Variants in FSTL4 observed in about 807,000 individuals in gnomAD.
FSTL4 encodes the protein follistatin like 4, also known as follistatin-related protein 4.
Under a neutral mutation model 78.2 loss-of-function variants are expected in FSTL4, and 28 were observed. The ratio of observed to expected loss-of-function variants is 0.36; its 90% CI spans 0.27 to 0.49. FSTL4 has a LOEUF of 0.49. Ranked by LOEUF, FSTL4 falls within the 20% of genes least tolerant of loss-of-function variation. FSTL4 has a pLI of 0.98. For synonymous variants in FSTL4, 422 were observed against 440.5 expected (o/e 0.96, Z 0.53); for missense variants, 922 against 1,084.9 (o/e 0.85, Z 2.11).
At chr5:133,775,664 G>A in the FSTL4 span, among the ~76,000 whole-genome samples, 1 of 152,192 alleles carries the variant, frequency 6.6e-6, no homozygotes, top group Non-Finnish European at 1.5e-5. Flanking sequence ...AGAGTAGATT[G>A]TACAACAGGT....
the FSTL4 span, among the ~76,000 whole-genome samples, chr5:133,717,429 G>T: frequency 1.3e-5 from 2 of 152,038 alleles, no homozygotes; most frequent in Non-Finnish European, 2.9e-5. Context: ...TTCTTTATTT[G>T]GGTGTAATTT....
intron 2 of FSTL4, among the ~76,000 whole-genome samples, chr5:133,574,093 A>C (rs1242210736): frequency 2.6e-5 from 4 of 152,216 alleles, no homozygotes; most frequent in Non-Finnish European, 5.9e-5. Context: ...GACAATGAAA[A>C]GGGAAGCCAT....
intron 3 of FSTL4, among the ~76,000 whole-genome samples, chr5:133,448,705 C>T (rs1757316061): frequency 8.7e-6 from 1 of 115,092 alleles, no homozygotes. Flanking sequence ...CAAGGTCAGA[C>T]AGTGCGGCTT....
chr5:133,220,285 G>A (rs1308514911), intron 12 of FSTL4, among the ~76,000 whole-genome samples: 1 of 152,264 alleles, frequency 6.6e-6, no homozygotes, highest in African/African-American at 2.4e-5. Context: ...GCCTGGTGTG[G>A]GGGCCACAGC....
the FSTL4 span, among the ~76,000 whole-genome samples, chr5:133,778,319 C>T: frequency 6.6e-6 from 1 of 151,198 alleles, no homozygotes; most frequent in Non-Finnish European, 1.5e-5. Context: ...TTTTGCCTCA[C>T]GCAGAAAGGA....
At chr5:133,241,926 T>C (rs529679368) in intron 7 of FSTL4, among the ~76,000 whole-genome samples, 1 of 152,302 alleles carries the variant, frequency 6.6e-6, no homozygotes, top group East Asian at 1.9e-4. Flanking sequence ...TAAATTTCCT[T>C]CTATGGCTCA....
chr5:133,198,727 C>G lies in FSTL4; in HGVS notation c.*368G>C, dbSNP rs776653715. The G allele has an allele frequency of 4.7e-5, 8 of 170,256 alleles. No homozygotes were observed. The highest frequency in any genetic ancestry group is 6.2e-5 in the Non-Finnish European group (5 of 80,240). The allele number at this position is 170,256 out of a possible 1,614,324, so 10.5% of individuals were successfully genotyped here. On this transcript the variant is annotated 3_prime_UTR_variant, in exon 16 of 16. Coordinates refer to ENST00000265342, the MANE Select transcript of FSTL4 (RefSeq NM_015082.2). Reference sequence around the variant, plus strand: ...CCGTCAGGGCAAAGTCTGGCTGGGTCTGGCAGTAAGGGACAATGACTATGT... The same window carrying G: ...CCGTCAGGGCAAAGTCTGGCTGGGTGTGGCAGTAAGGGACAATGACTATGT...
At chr5:133,828,254 G>A in the FSTL4 span, among the ~76,000 whole-genome samples, 59,227 of 151,946 alleles carry the variant, frequency 0.39, 12,873 homozygotes, top group Non-Finnish European at 0.51. Flanking sequence ...GAGCAAGTGC[G>A]CTCTTGACAC....
intron 3 of FSTL4, among the ~76,000 whole-genome samples, chr5:133,423,358 C>G (rs1756738964): frequency 1.3e-5 from 2 of 152,202 alleles, no homozygotes; most frequent in African/African-American, 4.8e-5. Flanking sequence ...CAGCTAGGAG[C>G]TGGAGAAGGC....
chr5:133,682,213 A>G, the FSTL4 span, among the ~76,000 whole-genome samples: 1 of 152,182 alleles, frequency 6.6e-6, no homozygotes, highest in Non-Finnish European at 1.5e-5. Flanking sequence ...ATCAGAGTGG[A>G]ACTAAGGGGC....
intron 2 of FSTL4, among the ~76,000 whole-genome samples, chr5:133,579,185 C>T (rs1448079909): frequency 1.3e-5 from 2 of 152,214 alleles, no homozygotes; most frequent in African/African-American, 4.8e-5. Context: ...CCAGGGTCCA[C>T]GTCTCCTTCA....
At chr5:133,431,043 T>C (rs759511001) in intron 3 of FSTL4, among the ~76,000 whole-genome samples, 2 of 152,074 alleles carry the variant, frequency 1.3e-5, no homozygotes, top group Admixed American at 6.5e-5. Flanking sequence ...AGGAAGAAAA[T>C]AGGAGAGACC....
chr5:133,774,667 C>T, the FSTL4 span, among the ~76,000 whole-genome samples: 26 of 152,214 alleles, frequency 1.7e-4, no homozygotes, highest in Non-Finnish European at 2.4e-4. Flanking sequence ...TTTGCTTTCA[C>T]ATGGCCGGGA....
chr5:133,590,036 T>A (rs1760591226), intron 2 of FSTL4, among the ~76,000 whole-genome samples: 2 of 152,202 alleles, frequency 1.3e-5, no homozygotes, highest in Non-Finnish European at 2.9e-5. Context: ...ATCATATCAA[T>A]AGCTATGGAA....
chr5:133,670,706 A>G, the FSTL4 span, among the ~76,000 whole-genome samples: 1 of 152,250 alleles, frequency 6.6e-6, no homozygotes, highest in African/African-American at 2.4e-5. Context: ...CAGAACAAAA[A>G]GTGCTCCATC....
rs2126916182 is a variant in FSTL4, at chr5:133,338,642, T to C, written c.410-21990A>G. On this transcript the variant is annotated intron_variant, in intron 4 of 15. Transcript: ENST00000265342. The surrounding 1 kb of genome is among the most constrained non-coding windows in gnomAD (Gnocchi z 4.0). The stretch of plus-strand genomic sequence containing the variant: ...GAGCTCCTGATGTCCCACCCCACTG[T>C]TGGCCTGACATTTCCCCACATTGTC... Among the ~76,000 whole-genome samples the C allele has an allele frequency of 6.6e-6, 1 of 152,210 alleles. No homozygotes were observed. The highest frequency in any genetic ancestry group is 2.1e-4 in the South Asian group (1 of 4,830).
At chr5:133,389,962 C>G (rs997226769) in intron 4 of FSTL4, among the ~76,000 whole-genome samples, 1 of 152,108 alleles carries the variant, frequency 6.6e-6, no homozygotes, top group Non-Finnish European at 1.5e-5. Context: ...GCTAGCCAGG[C>G]CGAATGAGTG....
chr5:133,511,686 G>A (rs910716890), intron 3 of FSTL4, among the ~76,000 whole-genome samples: 1 of 152,158 alleles, frequency 6.6e-6, no homozygotes, highest in African/African-American at 2.4e-5. Context: ...CAATAAAAGT[G>A]AGACTTGGAG....
At chr5:133,395,064 G>T (rs553660484) in intron 4 of FSTL4, among the ~76,000 whole-genome samples, 1 of 152,014 alleles carries the variant, frequency 6.6e-6, no homozygotes, top group African/African-American at 2.4e-5. Flanking sequence ...ACCAATCAGC[G>T]CTCTGTAAAA....
Sources: gnomAD v4.1 joint callset for allele counts (sites outside exome capture counted in the v4.1 genomes callset) on GRCh38, gnomAD v4.1.1 for gene constraint, Gnocchi (gnomAD v3.1) non-coding constraint, MANE v1.5 for transcripts, NCBI Gene and HGNC (gene_info 2026-07-23, HGNC 2026-07-21) for gene names.